LMBRD1: variants seen among roughly 807,000 people sequenced by gnomAD.
The protein encoded by LMBRD1 is LMBR1 domain containing 1, also known as lysosomal cobalamin transport escort protein LMBD1.
In LMBRD1, 64 loss-of-function variants were observed where a neutral mutation model predicts 74.8. That is an observed-to-expected ratio of 0.86 (90% confidence interval 0.70 to 1.05). The LOEUF (loss-of-function observed/expected upper bound fraction) is 1.05. Among genes scored for constraint, LMBRD1 ranks in the 50% least tolerant of loss-of-function variants. The pLI, the probability that LMBRD1 is intolerant of heterozygous loss-of-function variation, is 0.00. For synonymous variants in LMBRD1, 204 were observed against 216.3 expected, an observed-to-expected ratio of 0.94 and a Z score of 0.50; for missense variants, 652 against 645.9, an observed-to-expected ratio of 1.01 and a Z score of -0.10.
chr6:69,695,381 T>C (rs1765973057), intron 14 of LMBRD1, among the ~76,000 whole-genome samples: 1 of 152,078 alleles, frequency 6.6e-6, no homozygotes, highest in African/African-American at 2.4e-5. Context: ...TAAATAATGA[T>C]TATCCTGGGT....
chr6:69,748,614 A>C (rs1373550692), intron 5 of LMBRD1, among the ~76,000 whole-genome samples: 2 of 152,094 alleles, frequency 1.3e-5, no homozygotes, highest in Non-Finnish European at 2.9e-5. Flanking sequence ...TTTATTGAAA[A>C]TTGTGAGACT....
intron 7 of LMBRD1, among the ~76,000 whole-genome samples, chr6:69,727,291 T>C (rs538218090): frequency 5.3e-5 from 8 of 152,352 alleles, no homozygotes; most frequent in Admixed American, 2.6e-4. Context: ...TGCATGCCTA[T>C]ACCAAAATAT....
chr6:69,675,618 T>A lies in LMBRD1; in HGVS notation c.*540A>T, dbSNP rs1180612432. Among the ~76,000 whole-genome samples the A allele has an allele frequency of 6.6e-6, 1 of 152,224 alleles. No individual in the cohort carries two copies. The highest frequency in any genetic ancestry group is 1.5e-5 in the Non-Finnish European group (1 of 68,032). On this transcript the variant is annotated 3_prime_UTR_variant, in exon 16 of 16. Transcript: ENST00000649934. ...TATAACACATCTTGGAACGCCATGC[T>A]CTTAGAGCACTAACTAGAGTTTGAA...
intron 7 of LMBRD1, among the ~76,000 whole-genome samples, chr6:69,721,594 T>C (rs532491847): frequency 8.6e-4 from 131 of 152,296 alleles, no homozygotes; most frequent in Non-Finnish European, 1.6e-3. Context: ...ATTGTGGGCC[T>C]TGGACTCTGG....
intron 7 of LMBRD1, among the ~76,000 whole-genome samples, chr6:69,737,158 T>C (rs771762119): frequency 1.2e-4 from 18 of 152,182 alleles, no homozygotes; most frequent in Non-Finnish European, 2.5e-4. Flanking sequence ...AATGTTTCCT[T>C]TGTAACCAGA....
intron 3 of LMBRD1, among the ~76,000 whole-genome samples, chr6:69,769,194 C>A (rs776285738): frequency 6.6e-6 from 1 of 152,120 alleles, no homozygotes; most frequent in Admixed American, 6.6e-5. Context: ...CTACTGATTT[C>A]TCTTTAATCT....
At chr6:69,752,409 A>G in intron 3 of LMBRD1, 53 bp from the exon 4 acceptor site, 1 of 1,369,236 alleles carries the variant, frequency 7.3e-7, no homozygotes, top group Middle Eastern at 2.1e-4. Flanking sequence ...GTACTTAATC[A>G]TGGTTATCTA....
At chr6:69,685,509 A>T (rs1399373516) in intron 14 of LMBRD1, among the ~76,000 whole-genome samples, 1 of 152,158 alleles carries the variant, frequency 6.6e-6, no homozygotes, top group Non-Finnish European at 1.5e-5. Flanking sequence ...CCACTAAATC[A>T]AAAACTTTGG....
Position 69,752,352 on chromosome 6 carries a change from T to C in LMBRD1, c.312A>G (p.Leu104=), listed in dbSNP as rs747289631. The C allele has an allele frequency of 6.2e-7, 1 of 1,606,682 alleles. No homozygotes were observed. Among genetic ancestry groups the C allele is most frequent in the Non-Finnish European group, 8.5e-7 (1 of 1,173,968 alleles). The change falls in exon 4 of 16, where the codon TTA becomes TTG. Residue 104 remains leucine (L), a synonymous_variant. Transcript: ENST00000649934. ...ACACACAGAACAATATAACAGAATA[T>C]AAAGCTGTGGAAATAAATAATAAAC... ...EDTVLYGYYT[L]YSVILFCVFF... is the part of the protein sequence containing the mutation.
intron 14 of LMBRD1, among the ~76,000 whole-genome samples, chr6:69,688,469 G>C (rs969858130): frequency 2.7e-5 from 4 of 150,202 alleles, no homozygotes; most frequent in Non-Finnish European, 4.4e-5. Flanking sequence ...TATTGCTTTA[G>C]GAATCTCAGA....
chr6:69,698,924 A>T, intron 13 of LMBRD1, 119 bp downstream of exon 13: 1 of 688,168 alleles, frequency 1.5e-6, no homozygotes, highest in Non-Finnish European at 2.4e-6. Flanking sequence ...CAGTTTTAGC[A>T]ATATTAAATA....
At chr6:69,714,501 A>C (rs1766450074) in intron 8 of LMBRD1, among the ~76,000 whole-genome samples, 1 of 152,148 alleles carries the variant, frequency 6.6e-6, no homozygotes, top group Admixed American at 6.6e-5. Flanking sequence ...TCAATTGGGT[A>C]CAAAAATAAA....
chr6:69,747,191 G>A (rs1767255253), intron 5 of LMBRD1, among the ~76,000 whole-genome samples: 1 of 152,114 alleles, frequency 6.6e-6, no homozygotes, highest in Non-Finnish European at 1.5e-5. Flanking sequence ...ATCATCCCAT[G>A]GCATTGGTGA....
At chr6:69,794,381 G>T (rs531996501) in intron 1 of LMBRD1, among the ~76,000 whole-genome samples, 79 of 152,302 alleles carry the variant, frequency 5.2e-4, no homozygotes, top group Non-Finnish European at 8.7e-4. Context: ...TTAATACTTT[G>T]TGGGGTAAAA....
At chr6:69,775,861 A>C (rs1449815906) in intron 3 of LMBRD1, among the ~76,000 whole-genome samples, 1 of 152,194 alleles carries the variant, frequency 6.6e-6, no homozygotes, top group African/African-American at 2.4e-5. Flanking sequence ...TCCAGACTTG[A>C]TTATTAGACA....
At chr6:69,745,413 C>T (rs1294448487) in intron 5 of LMBRD1, among the ~76,000 whole-genome samples, 2 of 151,364 alleles carry the variant, frequency 1.3e-5, no homozygotes, top group Admixed American at 6.6e-5. Flanking sequence ...CGCCCGCCAC[C>T]GTGCCCGGCT....
intron 3 of LMBRD1, among the ~76,000 whole-genome samples, chr6:69,776,270 T>C (rs192638091): frequency 2.6e-5 from 4 of 152,336 alleles, no homozygotes; most frequent in Admixed American, 2.6e-4. Context: ...TTTGAATCAG[T>C]AGTTTAAAAG....
In LMBRD1 at chr6:69,713,738, T is replaced by G. The variant is rs772819386; in HGVS notation, c.822A>C (p.Glu274Asp). The G allele has an allele frequency of 1.9e-6, 3 of 1,613,734 alleles. No homozygotes were observed. In the South Asian group the frequency reaches 3.3e-5, roughly 18 times the overall value. The change falls in exon 9 of 16, where the codon GAA (glutamate) becomes GAC (aspartate). Residue 274 changes from glutamate to aspartate, a missense_variant. Transcript: ENST00000649934. ...RDKRALKQFE[E>D]RLRTLKKRER... Reference sequence around the variant, plus strand: ...CTCTCTTCTTAAGTGTTCGTAACCTTTCTTCAAATTGTTTTAAGGCGCGTT... The same window carrying G: ...CTCTCTTCTTAAGTGTTCGTAACCTGTCTTCAAATTGTTTTAAGGCGCGTT...
chr6:69,735,211 T>G (rs7761441), intron 7 of LMBRD1, among the ~76,000 whole-genome samples: 7 of 152,214 alleles, frequency 4.6e-5, no homozygotes, highest in African/African-American at 1.7e-4. Context: ...GAACCAACAC[T>G]GGACAGGATG....
Sources: allele counts gnomAD v4.1 joint callset (sites outside exome capture counted in the v4.1 genomes callset), GRCh38; gene constraint gnomAD v4.1.1; transcripts MANE v1.5; gene names NCBI Gene and HGNC (gene_info 2026-07-23, HGNC 2026-07-21).